The following PLEKHA7 variants were observed in gnomAD, a reference collection of about 807,000 sequenced individuals.
PLEKHA7 encodes pleckstrin homology domain containing A7.
Under a neutral mutation model 170.0 loss-of-function variants are expected in PLEKHA7, and 104 were observed. The observed-to-expected ratio is 0.61, with a 90% CI of 0.52 to 0.72. The LOEUF is 0.72. Among genes scored for constraint, PLEKHA7 ranks in the 30% least tolerant of loss-of-function variants. PLEKHA7 has a pLI of 0.00. For synonymous variants in PLEKHA7, 648 were observed against 660.8 expected (o/e 0.98, Z 0.30); for missense variants, 1,615 against 1,671.7 (o/e 0.97, Z 0.59).
intron 3 of PLEKHA7, among the ~76,000 whole-genome samples, chr11:16,989,576 A>G (rs1863915452): frequency 6.6e-6 from 1 of 152,130 alleles, no homozygotes; most frequent in Admixed American, 6.5e-5. Context: ...TACTGCTTTC[A>G]TGTCACACAG....
At chr11:16,790,495 A>T (rs1160206653) in intron 21 of PLEKHA7, 1 of 298,914 alleles carries the variant, frequency 3.3e-6, no homozygotes, top group Admixed American at 4.7e-5. Context: ...GGATGACAGT[A>T]CTTTCCTCAT....
chr11:16,915,297 T>C (rs1027586467), intron 3 of PLEKHA7, among the ~76,000 whole-genome samples: 2 of 152,220 alleles, frequency 1.3e-5, no homozygotes, highest in Non-Finnish European at 2.9e-5. Context: ...CTAAGTCTAA[T>C]AAGAAGCAGA....
chr11:16,919,171 G>A lies in PLEKHA7; in HGVS notation c.222-47989C>T, dbSNP rs146230921. ...GGAGGTTGCAGTGAGCTGAGATCAC[G>A]CCATTGCACTCCAGCCTGGGTGACA... is the stretch of plus-strand genomic sequence containing the variant. On this transcript the variant is annotated intron_variant, in intron 3 of 26. Transcript: ENST00000531066. Among the ~76,000 whole-genome samples the A allele has an allele frequency of 7.0e-4, 106 of 152,242 alleles. No homozygotes were observed. In the East Asian group the frequency reaches 0.018, roughly 26 times the overall value.
intron 3 of PLEKHA7, among the ~76,000 whole-genome samples, chr11:16,908,232 C>T (rs900214574): frequency 1.2e-4 from 16 of 138,594 alleles, no homozygotes; most frequent in African/African-American, 2.2e-4. Context: ...TCCCCCTCTG[C>T]GAGAAACACC....
rs376914229 is a variant in PLEKHA7, at chr11:16,803,090, G to C, written c.2077-38C>G. 23 of 1,583,648 alleles carry C rather than the reference G, an allele frequency of 1.5e-5. No homozygotes were observed. In the African/African-American group the frequency reaches 3.0e-4, roughly 20 times the overall value. On this transcript the variant is annotated intron_variant, in intron 14 of 26. Coordinates refer to ENST00000531066, the MANE Select transcript of PLEKHA7 (RefSeq NM_001329630.2). ...ACAGGTGGAGAGGGCCTGGGGTGATGAGAAAAGGACATGACCTTGGGATTG... is the reference window on the plus strand; with the variant it reads ...ACAGGTGGAGAGGGCCTGGGGTGATCAGAAAAGGACATGACCTTGGGATTG...
chr11:16,972,969 A>T (rs1349078196), intron 3 of PLEKHA7, among the ~76,000 whole-genome samples: 1 of 152,202 alleles, frequency 6.6e-6, no homozygotes, highest in Non-Finnish European at 1.5e-5. Flanking sequence ...TTATAGAAAG[A>T]AAGTGGATTA....
intron 3 of PLEKHA7, among the ~76,000 whole-genome samples, chr11:16,982,117 G>C (rs1369397922): frequency 1.3e-5 from 2 of 152,240 alleles, no homozygotes; most frequent in Admixed American, 1.3e-4. Flanking sequence ...TCTCCCCCAG[G>C]AAGCTGGGAA....
intron 3 of PLEKHA7, among the ~76,000 whole-genome samples, chr11:17,000,644 G>C (rs774433058): frequency 6.6e-6 from 1 of 152,170 alleles, no homozygotes; most frequent in Non-Finnish European, 1.5e-5. Context: ...TCCTTCATAG[G>C]AGTAGTAGTG....
chr11:16,838,937 C>T (rs956794807), intron 9 of PLEKHA7, among the ~76,000 whole-genome samples: 2 of 152,050 alleles, frequency 1.3e-5, no homozygotes, highest in African/African-American at 2.4e-5. Flanking sequence ...CCACCCGCCT[C>T]GGTCTCCCAA....
chr11:17,014,326 A>C lies in PLEKHA7; in HGVS notation c.76T>G (p.Phe26Val). Residue 26 changes from phenylalanine (F) to valine (V), a missense_variant, in exon 1 of 27, where the codon TTC (phenylalanine) becomes GTC (valine). Phe to Val is a conservative substitution (Grantham distance 50). Transcript: ENST00000531066. ...GTCCTCGCGCCGCACTTGATGAAGA[A>C]GACGCGGCCATCCCGGCACACCCCG... Reference protein sequence around the residue: ...SYGVCRDGRVFFINDQLRCTT... With the variant: ...SYGVCRDGRVVFINDQLRCTT... 2 of 1,446,022 alleles carry C rather than the reference A, an allele frequency of 1.4e-6. No individual in the cohort carries two copies. The highest frequency in any genetic ancestry group is 1.4e-5 in the South Asian group (1 of 70,988). 89.6% of individuals were successfully genotyped at this position (1,446,022 alleles called of 1,614,324 possible).
At chr11:16,803,078 GC>G (rs746615919) in intron 14 of PLEKHA7, 26 bp from the exon 15 acceptor site, 2 of 1,598,756 alleles carry the variant, frequency 1.3e-6, no homozygotes, top group Non-Finnish European at 1.7e-6. Context: ...GGTGGAGAGG[GC>G]CTGGGGTGAT....
chr11:16,787,690 G>A (rs968750166), intron 23 of PLEKHA7: 8 of 152,174 alleles, frequency 5.3e-5, no homozygotes, highest in African/African-American at 1.9e-4. Context: ...TATTGGCGTT[G>A]ATGCAGAGAC....
At chr11:16,891,129 G>T (rs1856584394) in intron 3 of PLEKHA7, among the ~76,000 whole-genome samples, 1 of 147,766 alleles carries the variant, frequency 6.8e-6, no homozygotes, top group Non-Finnish European at 1.5e-5. Context: ...TTCCCAGGCT[G>T]GTCTCAAACT....
chr11:16,871,081 A>C lies in PLEKHA7; in HGVS notation c.305+18T>G. The C allele has an allele frequency of 1.3e-6, 2 of 1,552,386 alleles. No individual in the cohort carries two copies. Among genetic ancestry groups the C allele is most frequent in the Non-Finnish European group, 1.8e-6 (2 of 1,124,626 alleles). The stretch of plus-strand genomic sequence containing the variant: ...CCCATACTCTGCCCAGATAAGGAGA[A>C]TACATAAAAAGACTTACTCTTCTTG... On this transcript the variant is annotated intron_variant, in intron 4 of 26. Transcript: ENST00000531066.
Position 16,925,627 on chromosome 11 carries a change from C to T in PLEKHA7, c.222-54445G>A, listed in dbSNP as rs868102476. On this transcript the variant is annotated intron_variant, in intron 3 of 26. Transcript: ENST00000531066. The stretch of plus-strand genomic sequence containing the variant: ...GCTCCATGCGACTGCTTCGCGAGCC[C>T]GGGCGGGCCACCGGTCAGCGGCGCT... Among the ~76,000 whole-genome samples the T allele has an allele frequency of 5.3e-5, 8 of 152,304 alleles. No homozygotes were observed. In the South Asian group the frequency reaches 1.0e-3, roughly 20 times the overall value.
chr11:17,002,345 A>G (rs1864714717), intron 3 of PLEKHA7, among the ~76,000 whole-genome samples: 1 of 152,088 alleles, frequency 6.6e-6, no homozygotes, highest in Non-Finnish European at 1.5e-5. Flanking sequence ...TTGAAGTTAC[A>G]GTGAGCTGAG....
intron 3 of PLEKHA7, among the ~76,000 whole-genome samples, chr11:16,952,486 A>G (rs1861466177): frequency 6.6e-6 from 1 of 152,118 alleles, no homozygotes; most frequent in Non-Finnish European, 1.5e-5. Flanking sequence ...AGAGAAATCA[A>G]TTTCAGTCAC....
chr11:16,856,028 G>T, intron 4 of PLEKHA7, 114 bp from the exon 5 acceptor site: 2 of 825,760 alleles, frequency 2.4e-6, no homozygotes, highest in South Asian at 1.7e-5. Flanking sequence ...ACCCAACCCT[G>T]ATTGTTTGGA....
At chr11:16,784,407 T>TGATG (rs1278905408) in intron 24 of PLEKHA7, among the ~76,000 whole-genome samples, 4 of 152,192 alleles carry the variant, frequency 2.6e-5, no homozygotes, top group East Asian at 1.9e-4. Context: ...GGATAATGGA[T>TGATG]AAATGGATGA....
Sources: allele counts gnomAD v4.1 joint callset (sites outside exome capture counted in the v4.1 genomes callset), GRCh38; gene constraint gnomAD v4.1.1; transcripts MANE v1.5; gene names NCBI Gene and HGNC (gene_info 2026-07-23, HGNC 2026-07-21).